Variants in FAM98A observed in about 807,000 individuals in gnomAD.
The protein encoded by FAM98A is protein FAM98A.
In FAM98A, 25 loss-of-function variants were observed where a neutral mutation model predicts 62.9. The observed-to-expected ratio is 0.40, with a 90% CI of 0.29 to 0.56. The LOEUF (loss-of-function observed/expected upper bound fraction) is 0.56, where lower values mean the gene tolerates loss of function less well. Among genes scored for constraint, FAM98A ranks in the 20% least tolerant of loss-of-function variants. FAM98A has a pLI of 0.51. For missense variants in FAM98A, 653 were observed against 640.7 expected (o/e 1.02, Z -0.21); for synonymous variants, 252 against 228.6 (o/e 1.10, Z -0.92).
chr2:33,592,341 A>G, intron 2 of FAM98A, 127 bp from the exon 3 acceptor site: 1 of 763,154 alleles, frequency 1.3e-6, no homozygotes, highest in Non-Finnish European at 2.0e-6. Context: ...CTTCTAATTT[A>G]TCCTTTCTTA....
chr2:33,596,940 G>C (rs1273478121), intron 1 of FAM98A, among the ~76,000 whole-genome samples: 1 of 149,396 alleles, frequency 6.7e-6, no homozygotes, highest in Non-Finnish European at 1.5e-5. Flanking sequence ...CTACAGGTAT[G>C]TTAGAGAAAT....
At chr2:33,593,125 C>T (rs1677712359) in intron 2 of FAM98A, among the ~76,000 whole-genome samples, 1 of 152,132 alleles carries the variant, frequency 6.6e-6, no homozygotes, top group Non-Finnish European at 1.5e-5. Flanking sequence ...TGTACTTGGC[C>T]GGGCACGGTG....
chr2:33,592,250 T>C lies in FAM98A; in HGVS notation c.203-36A>G, dbSNP rs555963560. The C allele has an allele frequency of 8.0e-6, 12 of 1,491,230 alleles. No individual in the cohort carries two copies. The African/African-American group carries it at 9.8e-5, about 12-fold the overall frequency. The allele number at this position is 1,491,230 out of a possible 1,614,324, so 92.4% of individuals were successfully genotyped here. On this transcript the variant is annotated intron_variant, in intron 2 of 7. Transcript: ENST00000238823. ...TTAAAATAATCTTATTTAATGATAG[T>C]GATTATTTTTCCATTAGCATAACAA...
rs190935534 is a variant in FAM98A at position 33,590,079 on chromosome 2, A to G, written c.338-1560T>C. Among the ~76,000 whole-genome samples, 18 of 152,342 alleles carry G rather than the reference A, an allele frequency of 1.2e-4. No individual in the cohort carries two copies. The East Asian group carries it at 2.3e-3, about 20-fold the overall frequency. ...CAAAGCACTGGGAAAGGCACTGAAG[A>G]TAACATTTTTTAAAACATCAAAAAG... On this transcript the variant is annotated intron_variant, in intron 3 of 7. Coordinates refer to ENST00000238823, the MANE Select transcript of FAM98A (RefSeq NM_015475.5).
At chr2:33,596,835 T>A (rs1290536705) in intron 1 of FAM98A, among the ~76,000 whole-genome samples, 1 of 149,108 alleles carries the variant, frequency 6.7e-6, no homozygotes, top group African/African-American at 2.5e-5. Flanking sequence ...GAGCTTGCAG[T>A]TAGCCGAGAT....
chr2:33,594,119 G>A (rs1049299770), intron 2 of FAM98A, among the ~76,000 whole-genome samples: 8 of 152,166 alleles, frequency 5.3e-5, no homozygotes, highest in African/African-American at 9.7e-5. Context: ...CTGCCTCATA[G>A]GGTTGCCCTG....
chr2:33,591,613 T>C (rs186719242), intron 3 of FAM98A, among the ~76,000 whole-genome samples: 24 of 152,184 alleles, frequency 1.6e-4, no homozygotes, highest in African/African-American at 5.5e-4. Context: ...CACAAAGAAA[T>C]AGCAACAAGA....
chr2:33,594,316 A>G (rs2151146491), intron 2 of FAM98A, among the ~76,000 whole-genome samples: 1 of 151,732 alleles, frequency 6.6e-6, no homozygotes, highest in South Asian at 2.1e-4. Flanking sequence ...ACAGGAACAG[A>G]AAAAAAACAC....
rs146528263 is a variant in FAM98A, at chr2:33,594,704, T to TAC, written c.202+784_202+785insGT. On this transcript the variant is annotated intron_variant, in intron 2 of 7. Transcript: ENST00000238823. ...ACACACATATATATACACATATATA[T>TAC]ATACACACACACACACACACACTAG... Among the ~76,000 whole-genome samples, 41 of 13,566 alleles carry TAC rather than the reference T, an allele frequency of 3.0e-3. 9 individuals carry two copies. The highest frequency in any genetic ancestry group is 5.4e-3 in the South Asian group (4 of 744). 8.9% of individuals were successfully genotyped at this position (13,566 alleles called of 152,430 possible).
rs777929329 is a variant in FAM98A at position 33,585,481 on chromosome 2, A to G, written c.889-37T>C. ...GAAAGATATTTTAAACTTTTATTTT[A>G]TGAACAGAAATAAATGCATTTGGAA... is the stretch of plus-strand genomic sequence containing the variant. On this transcript the variant is annotated intron_variant, in intron 7 of 7. Transcript: ENST00000238823. 11 of 1,613,146 alleles carry G rather than the reference A, an allele frequency of 6.8e-6. 1 individual carries two copies. In the South Asian group the frequency reaches 1.1e-4, roughly 16 times the overall value.
Position 33,584,734 on chromosome 2 carries a change from T to G in FAM98A, c.*42A>C. ...TGAATTCAGGATTCTGAAACTAAGTTTCTATTACTTGAGCTCTAGCAAAAT... is the reference window on the plus strand; with the variant it reads ...TGAATTCAGGATTCTGAAACTAAGTGTCTATTACTTGAGCTCTAGCAAAAT... On this transcript the variant is annotated 3_prime_UTR_variant, in exon 8 of 8. Coordinates refer to ENST00000238823, the MANE Select transcript of FAM98A (RefSeq NM_015475.5). 6.7e-7 allele frequency: 1 copy of G among 1,503,444 alleles called. No homozygotes were observed. Among genetic ancestry groups the G allele is most frequent in the Non-Finnish European group, 9.0e-7 (1 of 1,111,512 alleles). 93.1% of individuals were successfully genotyped at this position (1,503,444 alleles called of 1,614,324 possible).
At position 33,594,632 on chromosome 2, in the gene FAM98A, T is replaced by C. The variant is rs1162524961; in HGVS notation, c.202+857A>G. On this transcript the variant is annotated intron_variant, in intron 2 of 7. Transcript: ENST00000238823. The stretch of plus-strand genomic sequence containing the variant: ...ACACACATATATATATACACACATA[T>C]ATATACACATATATATATACACACA... Among the ~76,000 whole-genome samples, 16 of 39,492 alleles carry C rather than the reference T, an allele frequency of 4.1e-4. 2 individuals carry two copies. The highest frequency in any genetic ancestry group is 6.2e-4 in the Admixed American group (2 of 3,216). The allele number at this position is 39,492 out of a possible 152,430, so 25.9% of individuals were successfully genotyped here. A position where few individuals can be genotyped will look rare whatever the true frequency, so the allele number is the denominator to read the frequency against.
At position 33,585,359 on chromosome 2, in the gene FAM98A, C is replaced by G; in HGVS notation, c.974G>C (p.Arg325Thr). The change falls in exon 8 of 8, where the codon AGG (arginine) becomes ACG (threonine). Residue 325 changes from arginine to threonine, a missense_variant. Arg to Thr is a moderately conservative substitution (Grantham distance 71, BLOSUM62 -1). Coordinates refer to ENST00000238823, the MANE Select transcript of FAM98A (RefSeq NM_015475.5). The stretch of plus-strand genomic sequence containing the variant: ...TGTTTGCTGCTGGGGGCCATCTTGC[C>G]TCTTCTGCCACGGTGGCATCTCTGG... Reference protein sequence around the residue: ...PPPEMPPWQKRQDGPQQQTGG... With the variant: ...PPPEMPPWQKTQDGPQQQTGG... 1.9e-6 allele frequency: 3 copies of G among 1,614,168 alleles called. No homozygotes were observed. Among genetic ancestry groups the G allele is most frequent in the Non-Finnish European group, 2.5e-6 (3 of 1,180,042 alleles).
intron 1 of FAM98A, among the ~76,000 whole-genome samples, chr2:33,596,361 C>A (rs1291440339): frequency 2.0e-5 from 3 of 151,986 alleles, no homozygotes; most frequent in Non-Finnish European, 4.4e-5. Flanking sequence ...AATGAACTGG[C>A]GCATCTGAAT....
At chr2:33,587,367 C>T (rs749970698) in intron 4 of FAM98A, 47 bp from the exon 5 acceptor site, 3 of 1,333,070 alleles carry the variant, frequency 2.3e-6, no homozygotes, top group South Asian at 2.3e-5. Context: ...AAAAGTAAAA[C>T]ATCCTCATCT....
intron 1 of FAM98A, among the ~76,000 whole-genome samples, chr2:33,597,311 G>C (rs557439467): frequency 1.1e-4 from 16 of 152,250 alleles, no homozygotes; most frequent in Admixed American, 3.9e-4. Context: ...CTGGTCACCA[G>C]AGCAAGACCT....
In FAM98A at chr2:33,585,566, G is replaced by GT; in HGVS notation, c.851_852insA (p.Ser285LeufsTer12). The GT allele has an allele frequency of 6.2e-7, 1 of 1,614,144 alleles. No individual in the cohort carries two copies. The highest frequency in any genetic ancestry group is 8.5e-7 in the Non-Finnish European group (1 of 1,180,026). Reference sequence around the variant, plus strand: ...CACAGGCAGTCTTTTCTCTTATAGAGCCGCTGCTTGTCCTTAAAATCTTTG... The same window carrying GT: ...CACAGGCAGTCTTTTCTCTTATAGAGTCCGCTGCTTGTCCTTAAAATCTTTG... On this transcript the variant is annotated frameshift_variant, in exon 7 of 8. Coordinates refer to ENST00000238823, the MANE Select transcript of FAM98A (RefSeq NM_015475.5). LOFTEE classifies it high-confidence loss of function.
chr2:33,594,604 C>A (rs534648101), intron 2 of FAM98A, among the ~76,000 whole-genome samples: 1 of 121,558 alleles, frequency 8.2e-6, no homozygotes, highest in Non-Finnish European at 1.6e-5. Flanking sequence ...CACACACATA[C>A]ATACACACAT....
chr2:33,595,403 T>C, intron 2 of FAM98A, 86 bp downstream of exon 2: 1 of 1,191,722 alleles, frequency 8.4e-7, no homozygotes, highest in Non-Finnish European at 1.1e-6. Context: ...AACTTGCAAC[T>C]TTCAGCTTTA....
Sources: allele counts gnomAD v4.1 joint callset (sites outside exome capture counted in the v4.1 genomes callset), GRCh38; gene constraint gnomAD v4.1.1; transcripts MANE v1.5; gene names NCBI Gene and HGNC (gene_info 2026-07-23, HGNC 2026-07-21).